The following DYM variants were observed in gnomAD, a reference collection of about 807,000 sequenced individuals.
The protein encoded by DYM is dymeclin.
Under a neutral mutation model 93.1 loss-of-function variants are expected in DYM, and 78 were observed. That is an observed-to-expected ratio of 0.84 (90% CI 0.70 to 1.01). The LOEUF (loss-of-function observed/expected upper bound fraction) is 1.01, where lower values mean the gene tolerates loss of function less well. Among genes scored for constraint, DYM ranks in the 50% least tolerant of loss-of-function variants. DYM has a pLI of 0.00. For missense variants in DYM, 789 were observed against 845.0 expected (o/e 0.93, Z 0.82); for synonymous variants, 321 against 319.7 (o/e 1.00, Z -0.04).
chr18:49,215,149 G>C (rs990249816), intron 13 of DYM, among the ~76,000 whole-genome samples: 3 of 152,158 alleles, frequency 2.0e-5, no homozygotes, highest in Admixed American at 2.0e-4. Flanking sequence ...ATGAAACATG[G>C]AATTCAGTAC....
intron 17 of DYM, among the ~76,000 whole-genome samples, chr18:49,048,904 C>T (rs1346153190): frequency 3.3e-5 from 5 of 152,244 alleles, no homozygotes; most frequent in Admixed American, 3.3e-4. Context: ...CACAAAGGCA[C>T]AGGACATCTC....
intron 2 of DYM, among the ~76,000 whole-genome samples, chr18:49,420,784 G>C (rs146043059): frequency 9.9e-5 from 15 of 152,224 alleles, no homozygotes; most frequent in African/African-American, 3.4e-4. Flanking sequence ...GTGACAGACA[G>C]CACCTGGAAA....
At chr18:49,249,074 T>C (rs1210811922) in intron 13 of DYM, among the ~76,000 whole-genome samples, 1 of 152,170 alleles carries the variant, frequency 6.6e-6, no homozygotes, top group South Asian at 2.1e-4. Flanking sequence ...TCCCAGGAGT[T>C]TGGATCCATG....
intron 17 of DYM, among the ~76,000 whole-genome samples, chr18:49,052,657 G>A (rs2075124304): frequency 6.6e-6 from 1 of 152,196 alleles, no homozygotes; most frequent in Non-Finnish European, 1.5e-5. Context: ...CCAGGGCCCC[G>A]GCTGCTCAGG....
chr18:49,157,889 G>T (rs1334156523), intron 15 of DYM, among the ~76,000 whole-genome samples: 1 of 152,100 alleles, frequency 6.6e-6, no homozygotes, highest in African/African-American at 2.4e-5. Flanking sequence ...GTATAATGTT[G>T]GCTCTGACAT....
intron 15 of DYM, among the ~76,000 whole-genome samples, chr18:49,119,730 C>T (rs753459886): frequency 6.6e-6 from 1 of 151,948 alleles, no homozygotes; most frequent in East Asian, 1.9e-4. Context: ...TACTAGACTG[C>T]GATAAGCTAT....
chr18:49,334,907 A>T (rs1450563203), intron 6 of DYM, among the ~76,000 whole-genome samples: 1 of 152,192 alleles, frequency 6.6e-6, no homozygotes, highest in Non-Finnish European at 1.5e-5. Flanking sequence ...GGAGTTTGAG[A>T]CCAGCCTGGC....
Position 49,313,960 on chromosome 18 carries a change from TG to T in DYM, c.763+17903del, listed in dbSNP as rs140960536. ...TCCAAGGGCTATTGTAAACATCACA[TG>T]AAAAAAACACAAGTGGCCAGGCGCG... On this transcript the variant is annotated intron_variant, in intron 8 of 17. Transcript: ENST00000675505. Among the ~76,000 whole-genome samples, 590 of 152,044 alleles carry T rather than the reference TG, an allele frequency of 3.9e-3. 3 individuals carry two copies. The highest frequency in any genetic ancestry group is 0.014 in the African/African-American group (574 of 41,476).
intron 17 of DYM, among the ~76,000 whole-genome samples, chr18:49,094,321 A>G (rs907857351): frequency 6.6e-6 from 1 of 152,210 alleles, no homozygotes; most frequent in African/African-American, 2.4e-5. Context: ...CGAGCCAGGA[A>G]CATGCCCTGT....
chr18:49,115,039 T>C lies in DYM; in HGVS notation c.1911+3705A>G, dbSNP rs574490519. On this transcript the variant is annotated intron_variant, in intron 16 of 17. Transcript: ENST00000675505. ...GGGTTTAAGTTCTCGCTGTATCACT[T>C]GCTGAATGTGTGACAGTAAACAAGT... 7.4e-4 allele frequency among the ~76,000 whole-genome samples: 112 copies of C among 152,350 alleles called. 2 individuals carry two copies. Among genetic ancestry groups the C allele is most frequent in the African/African-American group, 2.6e-3 (110 of 41,590 alleles).
chr18:49,456,862 C>T (rs78200167), intron 1 of DYM, among the ~76,000 whole-genome samples: 12,144 of 152,130 alleles, frequency 0.08, 766 homozygotes, highest in East Asian at 0.31. Flanking sequence ...TTTAATAAGT[C>T]CCATCACATT....
At chr18:49,125,783 CAG>C (rs2082763462) in intron 15 of DYM, among the ~76,000 whole-genome samples, 1 of 152,192 alleles carries the variant, frequency 6.6e-6, no homozygotes, top group South Asian at 2.1e-4. Context: ...TCCTTGAATA[CAG>C]AACACTTTTG....
At chr18:49,454,256 T>C (rs1198420149) in intron 1 of DYM, among the ~76,000 whole-genome samples, 1 of 152,138 alleles carries the variant, frequency 6.6e-6, no homozygotes, top group East Asian at 1.9e-4. Flanking sequence ...AGGAATTACT[T>C]AGGCAGATAG....
At chr18:49,094,336 G>T (rs2079354398) in intron 17 of DYM, among the ~76,000 whole-genome samples, 1 of 152,168 alleles carries the variant, frequency 6.6e-6, no homozygotes, top group Non-Finnish European at 1.5e-5. Flanking sequence ...CCCTGTTGTG[G>T]ATACAGACAG....
intron 15 of DYM, among the ~76,000 whole-genome samples, chr18:49,127,417 C>CT (rs2082927556): frequency 6.6e-6 from 1 of 152,152 alleles, no homozygotes; most frequent in Non-Finnish European, 1.5e-5. Flanking sequence ...CTTCCTTTTC[C>CT]TTTTAAGAGG....
chr18:49,286,057 T>A (rs1387304507), intron 9 of DYM, among the ~76,000 whole-genome samples: 1 of 152,046 alleles, frequency 6.6e-6, no homozygotes, highest in East Asian at 1.9e-4. Context: ...CTTTTTTTTT[T>A]GTTTTTGAGA....
intron 16 of DYM, among the ~76,000 whole-genome samples, chr18:49,101,129 T>C (rs559684977): frequency 6.6e-6 from 1 of 152,326 alleles, no homozygotes; most frequent in South Asian, 2.1e-4. Context: ...TATCCATTTG[T>C]ATAGCAACCA....
chr18:49,216,568 C>T (rs775882157), intron 13 of DYM, among the ~76,000 whole-genome samples: 6 of 152,142 alleles, frequency 3.9e-5, no homozygotes, highest in Non-Finnish European at 7.4e-5. Flanking sequence ...TCCAGAGGAA[C>T]GATCAGACAG....
At chr18:49,416,321 A>C (rs890032136) in intron 2 of DYM, among the ~76,000 whole-genome samples, 5 of 152,190 alleles carry the variant, frequency 3.3e-5, no homozygotes, top group African/African-American at 4.8e-5. Flanking sequence ...TTCACAAACT[A>C]GTCAGTTGTG....
Sources: gnomAD v4.1 joint callset for allele counts (sites outside exome capture counted in the v4.1 genomes callset) on GRCh38, gnomAD v4.1.1 for gene constraint, MANE v1.5 for transcripts, NCBI Gene and HGNC (gene_info 2026-07-23, HGNC 2026-07-21) for gene names.